Variants in DENND4C observed in about 807,000 individuals in gnomAD.
DENND4C encodes the protein DENN domain containing 4C.
A neutral mutation model predicts 203.0 loss-of-function variants in DENND4C; 108 were observed. The ratio of observed to expected loss-of-function variants is 0.53; its 90% CI spans 0.46 to 0.62. The LOEUF (loss-of-function observed/expected upper bound fraction) is 0.62. DENND4C is among the 20% of genes least tolerant of loss of function. The probability of loss-of-function intolerance (pLI) is 0.00; values close to 1 mark genes in which losing one functional copy is unlikely to be tolerated. For missense variants in DENND4C, 2,481 were observed against 2,301.2 expected, an observed-to-expected ratio of 1.08 and a Z score of -1.60; for synonymous variants, 871 against 792.4, an observed-to-expected ratio of 1.10 and a Z score of -1.67.
chr9:19,236,885 T>G (rs567888465), intron 1 of DENND4C, among the ~76,000 whole-genome samples: 3 of 152,238 alleles, frequency 2.0e-5, no homozygotes, highest in Non-Finnish European at 4.4e-5. Flanking sequence ...TCATTTCTGG[T>G]CCCCAGTCAC....
rs1827204661 is a variant in DENND4C at position 19,253,637 on chromosome 9, T to A, written c.-17-22521T>A. Among the ~76,000 whole-genome samples, 3 of 152,354 alleles carry A rather than the reference T, an allele frequency of 2.0e-5. No homozygotes were observed. In the South Asian group the frequency reaches 6.2e-4, roughly 32 times the overall value. ...ATCATTCATTTTGCATGGTTTGGGT[T>A]ACCAGGGAACATACAGCTGTTTTTG... On this transcript the variant is annotated intron_variant, in intron 1 of 32. Transcript: ENST00000434457.
rs141738645 is a variant in DENND4C at position 19,360,022 on chromosome 9, A to G, written c.5161-222A>G. Among the ~76,000 whole-genome samples the G allele has an allele frequency of 3.9e-3, 600 of 152,290 alleles. 6 individuals carry two copies. The highest frequency in any genetic ancestry group is 0.014 in the African/African-American group (578 of 41,568). On this transcript the variant is annotated intron_variant, in intron 28 of 32. Transcript: ENST00000434457. ...CTCAGTGTGATAGAGAACATGTTTTAAAGAGTCTGTTGATTAATTTTCTTT... is the reference window on the plus strand; with the variant it reads ...CTCAGTGTGATAGAGAACATGTTTTGAAGAGTCTGTTGATTAATTTTCTTT...
chr9:19,259,842 G>C (rs1313355994), intron 1 of DENND4C, among the ~76,000 whole-genome samples: 2 of 152,120 alleles, frequency 1.3e-5, no homozygotes, highest in East Asian at 3.9e-4. Context: ...GTCTGTTGTT[G>C]AATAACTTAG....
At chr9:19,343,922 A>C (rs1391021221) in intron 22 of DENND4C, among the ~76,000 whole-genome samples, 1 of 152,240 alleles carries the variant, frequency 6.6e-6, no homozygotes, top group African/African-American at 2.4e-5. Context: ...TGGAAATACT[A>C]TGAGAACCAA....
intron 12 of DENND4C, among the ~76,000 whole-genome samples, chr9:19,319,351 CTTATATAT>C (rs1842429054): frequency 3.4e-5 from 1 of 29,784 alleles, no homozygotes; most frequent in African/African-American, 9.9e-5. Flanking sequence ...TATATATATA[CTTATATAT>C]ACACACATAT....
intron 1 of DENND4C, among the ~76,000 whole-genome samples, chr9:19,273,210 C>G (rs1464969564): frequency 6.6e-6 from 1 of 151,640 alleles, no homozygotes; most frequent in Non-Finnish European, 1.5e-5. Context: ...CTCGGCCTCC[C>G]AAAGTGCTGG....
At chr9:19,328,649 GTCTGTCTGTCTATCTA>G (rs1231661281) in intron 16 of DENND4C, among the ~76,000 whole-genome samples, 10,509 of 139,692 alleles carry the variant, frequency 0.075, 435 homozygotes, top group South Asian at 0.15. Context: ...CTGTCTGTCT[GTCTGTCTGTCTATCTA>G]TCTATCTATC....
chr9:19,324,642 A>G (rs1843426741), intron 13 of DENND4C, 135 bp downstream of exon 13: 4 of 863,298 alleles, frequency 4.6e-6, no homozygotes, highest in Non-Finnish European at 7.0e-6. Flanking sequence ...TGTGTTACCG[A>G]TTCTGGGCTG....
At chr9:19,275,277 C>CTT (rs71335412) in intron 1 of DENND4C, among the ~76,000 whole-genome samples, 128 of 129,940 alleles carry the variant, frequency 9.9e-4, no homozygotes, top group South Asian at 1.5e-3. Context: ...CAGGCCCGGC[C>CTT]TTTTTTTTTT....
Position 19,350,840 on chromosome 9 carries a change from A to G in DENND4C, c.4456A>G (p.Ser1486Gly). Residue 1486 changes from serine to glycine, a missense_variant, in exon 24 of 33, where the codon AGC becomes GGC. Transcript: ENST00000434457. The part of the protein sequence containing the change: ...TQSNTSLGSS[S>G]SSGDVGKLHY... ...GAGCAACACAAGTCTTGGCAGTAGC[A>G]GCAGTAGTGGAGATGTAGGAAAACT... is the stretch of plus-strand genomic sequence containing the variant. 6.2e-7 allele frequency: 1 copy of G among 1,614,140 alleles called. No homozygotes were observed. Among genetic ancestry groups the G allele is most frequent in the South Asian group, 1.1e-5 (1 of 91,066 alleles).
rs140966048 is a variant in DENND4C at position 19,246,138 on chromosome 9, T to A, written c.-18+15305T>A. Among the ~76,000 whole-genome samples the A allele has an allele frequency of 3.3e-5, 5 of 152,324 alleles. No homozygotes were observed. The East Asian group carries it at 9.6e-4, about 29-fold the overall frequency. The stretch of plus-strand genomic sequence containing the variant: ...TTTCAGTAAGTATTAGTGTTCTGTA[T>A]GTACCATTCTGTGGTGTTGAGTGAT... On this transcript the variant is annotated intron_variant, in intron 1 of 32. Coordinates refer to ENST00000434457, the MANE Select transcript of DENND4C (RefSeq NM_001330640.2).
At chr9:19,288,543 C>T in intron 3 of DENND4C, 53 bp from the exon 4 acceptor site, 1 of 1,113,110 alleles carries the variant, frequency 9.0e-7, no homozygotes, top group Non-Finnish European at 1.1e-6. Context: ...CCAACAAAAT[C>T]AATTTCTTTT....
In DENND4C at chr9:19,255,345, A is replaced by G. The variant is rs146984324; in HGVS notation, c.-17-20813A>G. Reference sequence around the variant, plus strand: ...ACTTGAGCCTGGGAGTTTGAGGCTGAAGTGAGCTATGATTGTGCCACTGCA... The same window carrying G: ...ACTTGAGCCTGGGAGTTTGAGGCTGGAGTGAGCTATGATTGTGCCACTGCA... On this transcript the variant is annotated intron_variant, in intron 1 of 32. Coordinates refer to ENST00000434457, the MANE Select transcript of DENND4C (RefSeq NM_001330640.2). 2.9e-3 allele frequency among the ~76,000 whole-genome samples: 436 copies of G among 152,178 alleles called. 6 individuals are homozygous for G. The highest frequency in any genetic ancestry group is 0.025 in the Admixed American group (377 of 15,248).
chr9:19,249,040 C>G (rs998449264), intron 1 of DENND4C, among the ~76,000 whole-genome samples: 3 of 152,288 alleles, frequency 2.0e-5, no homozygotes, highest in Non-Finnish European at 4.4e-5. Flanking sequence ...ATCCACCCTT[C>G]TCGGTCTCCC....
chr9:19,307,464 T>C (rs1839916746), intron 10 of DENND4C, among the ~76,000 whole-genome samples: 3 of 151,064 alleles, frequency 2.0e-5, no homozygotes, highest in Admixed American at 2.0e-4. Flanking sequence ...TTGTATCTAT[T>C]CACCACAACT....
At chr9:19,260,590 G>T (rs1462127907) in intron 1 of DENND4C, among the ~76,000 whole-genome samples, 4 of 152,026 alleles carry the variant, frequency 2.6e-5, no homozygotes, top group Non-Finnish European at 4.4e-5. Flanking sequence ...TAGAGACGGG[G>T]TTTCATTATG....
intron 23 of DENND4C, among the ~76,000 whole-genome samples, chr9:19,350,145 C>T (rs1487202342): frequency 1.3e-5 from 2 of 152,182 alleles, no homozygotes; most frequent in Non-Finnish European, 2.9e-5. Context: ...GTGTTTGAAA[C>T]TTTATTCATG....
At chr9:19,331,252 G>A (rs1205674020) in intron 16 of DENND4C, among the ~76,000 whole-genome samples, 1 of 150,892 alleles carries the variant, frequency 6.6e-6, no homozygotes, top group Non-Finnish European at 1.5e-5. Flanking sequence ...CGCCAGGCTG[G>A]AGTGCAGTGG....
intron 5 of DENND4C, 117 bp from the exon 6 acceptor site, chr9:19,295,891 A>G (rs1191507221): frequency 9.9e-6 from 7 of 710,046 alleles, no homozygotes; most frequent in Admixed American, 5.8e-5. Flanking sequence ...TTTTTTTTTC[A>G]TAATTTATCT....
Sources: allele counts gnomAD v4.1 joint callset (sites outside exome capture counted in the v4.1 genomes callset), GRCh38; gene constraint gnomAD v4.1.1; transcripts MANE v1.5; gene names NCBI Gene and HGNC (gene_info 2026-07-23, HGNC 2026-07-21).